CRLF3: variants seen among roughly 807,000 people sequenced by gnomAD.
CRLF3 encodes cytokine receptor like factor 3.
CRLF3 carries 33 observed loss-of-function variants against 55.0 expected under a neutral mutation model. The observed-to-expected ratio is 0.60, with a 90% CI of 0.46 to 0.80. The LOEUF (loss-of-function observed/expected upper bound fraction) is 0.80. Among genes scored for constraint, CRLF3 ranks in the 30% least tolerant of loss-of-function variants. The probability of loss-of-function intolerance (pLI) is 0.00; values close to 1 mark genes in which losing one functional copy is unlikely to be tolerated. For synonymous variants in CRLF3, 238 were observed against 196.8 expected (o/e 1.21, Z -1.75); for missense variants, 494 against 538.4 (o/e 0.92, Z 0.82).
intron 1 of CRLF3, among the ~76,000 whole-genome samples, chr17:30,821,283 T>C (rs1036337346): frequency 1.3e-5 from 2 of 148,666 alleles, no homozygotes; most frequent in African/African-American, 5.0e-5. Flanking sequence ...GAGCTTGCAG[T>C]GAGCTGAGAT....
chr17:30,820,823 CAAAAAAAA>C (rs1163338509), intron 1 of CRLF3, among the ~76,000 whole-genome samples: 2 of 65,000 alleles, frequency 3.1e-5, no homozygotes, highest in African/African-American at 6.0e-5. Context: ...GAGACTCTCT[CAAAAAAAA>C]AAAAAAAAAA....
intron 2 of CRLF3, among the ~76,000 whole-genome samples, chr17:30,801,711 G>A (rs1325226420): frequency 1.3e-5 from 2 of 152,092 alleles, no homozygotes; most frequent in African/African-American, 2.4e-5. Flanking sequence ...GGTTATAGGT[G>A]TTAGCCTGGC....
chr17:30,823,991 A>G (rs1905066079), intron 1 of CRLF3, among the ~76,000 whole-genome samples: 1 of 152,122 alleles, frequency 6.6e-6, no homozygotes, highest in African/African-American at 2.4e-5. Flanking sequence ...TTATTCAGGC[A>G]TTAACCGCAT....
intron 1 of CRLF3, among the ~76,000 whole-genome samples, chr17:30,806,418 A>C (rs1016010133): frequency 6.6e-6 from 1 of 152,198 alleles, no homozygotes; most frequent in Non-Finnish European, 1.5e-5. Context: ...TTCAGACTGC[A>C]GAGTTCCATC....
intron 1 of CRLF3, among the ~76,000 whole-genome samples, chr17:30,806,607 G>A (rs140611752): frequency 6.6e-6 from 1 of 152,220 alleles, no homozygotes; most frequent in African/African-American, 2.4e-5. Context: ...AAATCTTCAT[G>A]TCAAATATAT....
At chr17:30,802,843 A>G (rs1421359387) in intron 2 of CRLF3, among the ~76,000 whole-genome samples, 1 of 152,142 alleles carries the variant, frequency 6.6e-6, no homozygotes, top group Non-Finnish European at 1.5e-5. Context: ...AGTAAACACC[A>G]ATCACATTTT....
chr17:30,796,639 G>A (rs1032595947), intron 3 of CRLF3, among the ~76,000 whole-genome samples: 8 of 151,596 alleles, frequency 5.3e-5, no homozygotes, highest in Non-Finnish European at 8.8e-5. Context: ...TTTATATATT[G>A]GATTGAAAAA....
At position 30,793,581 on chromosome 17, in the gene CRLF3, G is replaced by T. The variant is rs1467037684; in HGVS notation, c.695C>A (p.Thr232Asn). The change falls in exon 5 of 8, where the codon ACT becomes AAT. Residue 232 changes from threonine to asparagine, a missense_variant. Thr to Asn is a moderately conservative substitution (Grantham distance 65). Transcript: ENST00000324238. ...GTCTATGTGCAATACTATGAATTCAGTTTCAGAACCTACATATACATCCTC... is the reference window on the plus strand; with the variant it reads ...GTCTATGTGCAATACTATGAATTCATTTTCAGAACCTACATATACATCCTC... ...HFEDVYVGSE[T>N]EFIVLHIDPN... 5 of 1,613,980 alleles carry T rather than the reference G, an allele frequency of 3.1e-6. No individual in the cohort carries two copies. The highest frequency in any genetic ancestry group is 4.2e-6 in the Non-Finnish European group (5 of 1,179,906).
At chr17:30,808,493 G>C (rs1904498721) in intron 1 of CRLF3, among the ~76,000 whole-genome samples, 1 of 151,372 alleles carries the variant, frequency 6.6e-6, no homozygotes, top group African/African-American at 2.4e-5. Context: ...TCATCATATT[G>C]GTCAGGCTGG....
At chr17:30,799,057 A>G (rs1971964822) in intron 2 of CRLF3, among the ~76,000 whole-genome samples, 1 of 152,048 alleles carries the variant, frequency 6.6e-6, no homozygotes, top group Non-Finnish European at 1.5e-5. Context: ...GCAAATCACG[A>G]GGTCAGGAGT....
intron 5 of CRLF3, among the ~76,000 whole-genome samples, chr17:30,793,096 CACCACA>C (rs1167939158): frequency 6.6e-6 from 1 of 150,950 alleles, no homozygotes; most frequent in East Asian, 2.0e-4. Context: ...ATGATTGCAC[CACCACA>C]CACCAGCCTG....
chr17:30,823,414 T>A (rs1205266499), intron 1 of CRLF3, among the ~76,000 whole-genome samples: 1 of 151,114 alleles, frequency 6.6e-6, no homozygotes, highest in African/African-American at 2.4e-5. Context: ...TGTATATGTT[T>A]TATATATATA....
At chr17:30,821,339 CAAA>C (rs112600272) in intron 1 of CRLF3, among the ~76,000 whole-genome samples, 6 of 116,170 alleles carry the variant, frequency 5.2e-5, no homozygotes, top group Admixed American at 9.2e-5. Flanking sequence ...GGTCCTTTCT[CAAA>C]AAAAAAAAAA....
rs56176745 is a variant in CRLF3 at position 30,786,171 on chromosome 17, C to G, written c.960-140G>C. ...TACAGCAACCATGATTGAGTTCTTG[C>G]TATACTCCAGGCACTGTTCTAATTA... On this transcript the variant is annotated intron_variant, in intron 6 of 7. Coordinates refer to ENST00000324238, the MANE Select transcript of CRLF3 (RefSeq NM_015986.4). 1,030 of 602,164 alleles carry G rather than the reference C, an allele frequency of 1.7e-3. 1 individual carries two copies. The highest frequency in any genetic ancestry group is 2.7e-3 in the Non-Finnish European group (913 of 339,124). The allele number at this position is 602,164 out of a possible 1,614,324, so 37.3% of individuals were successfully genotyped here.
chr17:30,814,656 C>CAAA (rs748564150), intron 1 of CRLF3, among the ~76,000 whole-genome samples: 35 of 122,120 alleles, frequency 2.9e-4, no homozygotes, highest in African/African-American at 8.6e-4. Context: ...GACTCCACCT[C>CAAA]AAAAAAAAAA....
chr17:30,797,559 G>A (rs200191637), intron 2 of CRLF3, among the ~76,000 whole-genome samples, 161 bp from the exon 3 acceptor site: 20 of 152,248 alleles, frequency 1.3e-4, no homozygotes, highest in South Asian at 8.3e-4. Context: ...TATTTTAGAC[G>A]TGACTCTAAG....
intron 1 of CRLF3, among the ~76,000 whole-genome samples, chr17:30,811,132 C>T (rs1904603696): frequency 6.6e-6 from 1 of 151,998 alleles, no homozygotes; most frequent in Non-Finnish European, 1.5e-5. Context: ...ATATATAAAA[C>T]ACAAAACTAT....
chr17:30,795,471 GAAC>G (rs1208061742), intron 4 of CRLF3, among the ~76,000 whole-genome samples: 11 of 138,406 alleles, frequency 7.9e-5, no homozygotes, highest in South Asian at 6.8e-4. Flanking sequence ...ATTCCAGCCT[GAAC>G]AACAACAACG....
At chr17:30,800,366 C>T (rs577319382) in intron 2 of CRLF3, among the ~76,000 whole-genome samples, 11 of 152,216 alleles carry the variant, frequency 7.2e-5, no homozygotes, top group South Asian at 4.1e-4. Context: ...GAATCATACC[C>T]GTATTTCCAT....
Sources: gnomAD v4.1 joint callset for allele counts (sites outside exome capture counted in the v4.1 genomes callset) on GRCh38, gnomAD v4.1.1 for gene constraint, MANE v1.5 for transcripts, NCBI Gene and HGNC (gene_info 2026-07-23, HGNC 2026-07-21) for gene names.